Variants in TENM3 observed in about 807,000 individuals in gnomAD.
TENM3 encodes teneurin transmembrane protein 3.
In TENM3, 63 loss-of-function variants were observed where a neutral mutation model predicts 255.1. The ratio of observed to expected loss-of-function variants is 0.25; its 90% CI spans 0.20 to 0.30. The LOEUF is 0.30. Ranked by LOEUF, TENM3 falls within the 10% of genes least tolerant of loss-of-function variation. TENM3 has a pLI of 1.00. For missense variants in TENM3, 2,929 were observed against 3,461.1 expected (o/e 0.85, Z 3.86); for synonymous variants, 1,306 against 1,322.3 (o/e 0.99, Z 0.27).
the TENM3 span, among the ~76,000 whole-genome samples, chr4:181,688,695 G>A: frequency 1.3e-5 from 2 of 152,118 alleles, no homozygotes; most frequent in South Asian, 4.1e-4. Context: ...TTTTTCTTGA[G>A]AAGGGGGCCT....
In TENM3 at chr4:182,751,873, A is replaced by G; in HGVS notation, c.3703A>G (p.Thr1235Ala). 4 of 1,613,832 alleles carry G rather than the reference A, an allele frequency of 2.5e-6. No homozygotes were observed. Among genetic ancestry groups the G allele is most frequent in the Non-Finnish European group, 3.4e-6 (4 of 1,179,864 alleles). ...AGATCTGTACGTTTCTGACACAAAC[A>G]CCCGCAGAATTTATCGCCCAAAGTC... ...TGDLYVSDTN[T>A]RRIYRPKSLT... Residue 1235 changes from threonine (T) to alanine (A), a missense_variant, in exon 20 of 28, where the codon ACC (threonine) becomes GCC (alanine). Thr to Ala is a moderately conservative substitution (Grantham distance 58). Transcript: ENST00000511685.
chr4:182,120,837 G>A, the TENM3 span, among the ~76,000 whole-genome samples: 1 of 152,130 alleles, frequency 6.6e-6, no homozygotes, highest in Non-Finnish European at 1.5e-5. Flanking sequence ...TAAAAATGGA[G>A]GAAGGTTCTA....
At chr4:182,540,510 C>A (rs1452091151) in intron 3 of TENM3, among the ~76,000 whole-genome samples, 1 of 152,052 alleles carries the variant, frequency 6.6e-6, no homozygotes, top group East Asian at 1.9e-4. Context: ...TCACTTGAAC[C>A]CAGGAGGCGG....
At chr4:182,539,647 G>T (rs528311206) in intron 3 of TENM3, among the ~76,000 whole-genome samples, 1 of 152,148 alleles carries the variant, frequency 6.6e-6, no homozygotes, top group East Asian at 1.9e-4. Context: ...TTAAATTTTC[G>T]TACAGCATTA....
chr4:182,182,953 C>A (rs1229940684), intron 1 of TENM3, among the ~76,000 whole-genome samples: 1 of 152,064 alleles, frequency 6.6e-6, no homozygotes, highest in Non-Finnish European at 1.5e-5. Context: ...CTTTTTGGAA[C>A]ATGGAATTTG....
the TENM3 span, among the ~76,000 whole-genome samples, chr4:182,069,491 C>T: frequency 6.6e-6 from 1 of 152,130 alleles, no homozygotes; most frequent in African/African-American, 2.4e-5. Flanking sequence ...ATCACTGATG[C>T]TTCCTTGTTG....
chr4:182,720,395 A>G (rs1759621127), intron 13 of TENM3, among the ~76,000 whole-genome samples: 1 of 152,120 alleles, frequency 6.6e-6, no homozygotes, highest in Non-Finnish European at 1.5e-5. Context: ...GATCACAAGT[A>G]TTTCCCAAAA....
intron 3 of TENM3, among the ~76,000 whole-genome samples, chr4:182,532,414 CT>C (rs1739864679): frequency 6.6e-6 from 1 of 152,158 alleles, no homozygotes; most frequent in Non-Finnish European, 1.5e-5. Context: ...TTATTATTGT[CT>C]TTCTTGTGTT....
At chr4:182,335,059 G>T (rs529716723) in intron 2 of TENM3, among the ~76,000 whole-genome samples, 1 of 152,062 alleles carries the variant, frequency 6.6e-6, no homozygotes, top group East Asian at 1.9e-4. Flanking sequence ...GGTGGCAGCT[G>T]TGCTTTCATA....
chr4:182,505,682 GT>G (rs1158073031), intron 3 of TENM3, among the ~76,000 whole-genome samples: 3 of 152,022 alleles, frequency 2.0e-5, no homozygotes, highest in Non-Finnish European at 4.4e-5. Context: ...GTTTCACCAT[GT>G]TGGCCAGGCT....
In TENM3 at chr4:182,793,151, A is replaced by G. The variant is rs1229412937; in HGVS notation, c.6479A>G (p.His2160Arg). Residue 2160 changes from histidine (H) to arginine (R), a missense_variant, in exon 26 of 28, where the codon CAT becomes CGT. By Grantham distance (29) the His-to-Arg change is conservative. Around this residue, in one of 6 missense-constraint regions of TENM3, gnomAD observed 256 missense variants for 389.3 expected, o/e 0.66. Transcript: ENST00000511685. The surrounding 1 kb of genome is among the most constrained non-coding windows in gnomAD (Gnocchi z 5.7). ...AACTACGATCTGAATGGAAACCTCC[A>G]TTTACTGAACCCAAGTAACAGTGCG... ...RYNYDLNGNL[H>R]LLNPSNSARL... The G allele has an allele frequency of 1.9e-6, 3 of 1,614,028 alleles. No individual in the cohort carries two copies. Among genetic ancestry groups the G allele is most frequent in the Non-Finnish European group, 2.5e-6 (3 of 1,179,900 alleles).
intron 22 of TENM3, among the ~76,000 whole-genome samples, chr4:182,769,346 G>C (rs1037451790): frequency 6.6e-6 from 1 of 151,336 alleles, no homozygotes; most frequent in African/African-American, 2.4e-5. Context: ...TCATTTTTCT[G>C]ATGTCTTTCC....
At position 182,342,180 on chromosome 4, in the gene TENM3, G is replaced by A. The variant is rs1580221858; in HGVS notation, c.233-4471G>A. The stretch of plus-strand genomic sequence containing the variant: ...AAGACATATGTACGCATGAAAACTT[G>A]TACAGGAATGTTCCTGGAAGCATTC... On this transcript the variant is annotated intron_variant, in intron 2 of 27. Transcript: ENST00000511685. Among the ~76,000 whole-genome samples the A allele has an allele frequency of 2.0e-5, 3 of 152,186 alleles. No homozygotes were observed. In the East Asian group the frequency reaches 5.8e-4, roughly 29 times the overall value.
the TENM3 span, among the ~76,000 whole-genome samples, chr4:182,079,325 G>T: frequency 6.6e-6 from 1 of 152,090 alleles, no homozygotes; most frequent in Non-Finnish European, 1.5e-5. Flanking sequence ...GACCATCCTG[G>T]CTAACACGGT....
At chr4:181,969,579 CA>C in the TENM3 span, among the ~76,000 whole-genome samples, 314 of 152,294 alleles carry the variant, frequency 2.1e-3, no homozygotes, top group Non-Finnish European at 4.0e-3. Flanking sequence ...GTCTCTCTCA[CA>C]AAAGTAAATG....
chr4:181,834,489 G>T, the TENM3 span, among the ~76,000 whole-genome samples: 1 of 152,338 alleles, frequency 6.6e-6, no homozygotes, highest in South Asian at 2.1e-4. Flanking sequence ...GCAAGTGTGT[G>T]TCTGGGCTCA....
At chr4:182,100,698 C>A in the TENM3 span, among the ~76,000 whole-genome samples, 1 of 62,846 alleles carries the variant, frequency 1.6e-5, no homozygotes, top group African/African-American at 6.2e-5. Context: ...TATATACACA[C>A]ATATATATAC....
intron 1 of TENM3, among the ~76,000 whole-genome samples, chr4:182,305,043 G>C (rs1762057837): frequency 6.6e-6 from 1 of 151,914 alleles, no homozygotes; most frequent in Non-Finnish European, 1.5e-5. Flanking sequence ...GGATGGTAAG[G>C]TCTAATTTCC....
chr4:182,710,261 C>G (rs954003218), intron 12 of TENM3, among the ~76,000 whole-genome samples: 1 of 152,036 alleles, frequency 6.6e-6, no homozygotes, highest in South Asian at 2.1e-4. Flanking sequence ...TCTTTATGTT[C>G]AAATCATCAA....
Sources: allele counts gnomAD v4.1 joint callset (sites outside exome capture counted in the v4.1 genomes callset), GRCh38; gene constraint gnomAD v4.1.1; regional missense constraint gnomAD v4.1.1; non-coding constraint Gnocchi (gnomAD v3.1); transcripts MANE v1.5; gene names NCBI Gene and HGNC (gene_info 2026-07-23, HGNC 2026-07-21).